The following GNA14 variants were observed in gnomAD, a reference collection of about 807,000 sequenced individuals.
GNA14 encodes guanine nucleotide-binding protein subunit alpha-14.
In GNA14, 50 loss-of-function variants were observed where a neutral mutation model predicts 42.0. The observed-to-expected ratio is 1.19, with a 90% CI of 0.95 to 1.51. The LOEUF (loss-of-function observed/expected upper bound fraction) is 1.51, where lower values mean the gene tolerates loss of function less well. GNA14 is among the 40% of genes most tolerant of loss of function. The pLI is 0.00. For missense variants in GNA14, 473 were observed against 446.2 expected (o/e 1.06, Z -0.54); for synonymous variants, 173 against 163.1 (o/e 1.06, Z -0.46).
At chr9:77,493,522 T>C (rs1466452281) in intron 2 of GNA14, among the ~76,000 whole-genome samples, 2 of 152,164 alleles carry the variant, frequency 1.3e-5, no homozygotes, top group African/African-American at 4.8e-5. Flanking sequence ...AAATTATATA[T>C]GAGTTTATGA....
chr9:77,542,229 T>G (rs1266871006), intron 1 of GNA14, among the ~76,000 whole-genome samples: 2 of 152,102 alleles, frequency 1.3e-5, no homozygotes. Flanking sequence ...TGTGACGAGA[T>G]ATATATATAT....
chr9:77,446,493 C>T (rs1006836964), intron 2 of GNA14, among the ~76,000 whole-genome samples: 4 of 152,170 alleles, frequency 2.6e-5, no homozygotes, highest in African/African-American at 9.7e-5. Flanking sequence ...GTGAGGTGGA[C>T]CCGTGTAACT....
chr9:77,466,770 C>G (rs767381286), intron 2 of GNA14, among the ~76,000 whole-genome samples: 4 of 152,136 alleles, frequency 2.6e-5, no homozygotes, highest in Non-Finnish European at 5.9e-5. Context: ...TCTTCTCCCT[C>G]CCGTCTGAGT....
intron 1 of GNA14, among the ~76,000 whole-genome samples, chr9:77,553,979 A>T (rs1233014106): frequency 6.6e-6 from 1 of 152,242 alleles, no homozygotes; most frequent in African/African-American, 2.4e-5. Context: ...TACTGACATG[A>T]AATGCCGTCT....
chr9:77,564,296 T>TAAAAAA (rs71358612), intron 1 of GNA14, among the ~76,000 whole-genome samples: 3 of 134,798 alleles, frequency 2.2e-5, no homozygotes, highest in East Asian at 2.2e-4. Context: ...CAGCACAATT[T>TAAAAAA]AAAAAAAAAA....
chr9:77,431,341 G>A lies in GNA14; in HGVS notation c.573C>T (p.Asp191=), dbSNP rs751642002. 8.1e-6 allele frequency: 13 copies of A among 1,613,752 alleles called. No homozygotes were observed. The highest frequency in any genetic ancestry group is 1.1e-5 in the Non-Finnish European group (13 of 1,179,838). Residue 191 remains aspartate (D), a synonymous_variant, in exon 4 of 7, where the codon GAC becomes GAT. Coordinates refer to ENST00000341700, the MANE Select transcript of GNA14 (RefSeq NM_004297.4). ...CTTACCGAAAGATGATGTTTTCCAAGTCAAATGGATACTCAATGATGCCGG... is the reference window on the plus strand; with the variant it reads ...CTTACCGAAAGATGATGTTTTCCAAATCAAATGGATACTCAATGATGCCGG... ...PTTGIIEYPF[D]LENIIFRMVD... is the part of the protein sequence containing the mutation.
At chr9:77,443,128 C>T (rs1465917826) in intron 2 of GNA14, among the ~76,000 whole-genome samples, 3 of 152,178 alleles carry the variant, frequency 2.0e-5, no homozygotes, top group Non-Finnish European at 1.5e-5. Context: ...ACCTCTCTCA[C>T]TGATAGTGTA....
At chr9:77,612,664 A>T (rs564418678) in intron 1 of GNA14, among the ~76,000 whole-genome samples, 15 of 132,528 alleles carry the variant, frequency 1.1e-4, no homozygotes, top group Middle Eastern at 3.8e-3. Context: ...GCTATTATTT[A>T]AAAAAAAAAA....
chr9:77,474,378 G>A (rs1241032723), intron 2 of GNA14, among the ~76,000 whole-genome samples: 2 of 124,218 alleles, frequency 1.6e-5, no homozygotes, highest in African/African-American at 7.1e-5. Context: ...ATACACAAAT[G>A]GCTGACAAGC....
At chr9:77,535,271 G>T (rs1282083168) in intron 1 of GNA14, among the ~76,000 whole-genome samples, 2 of 152,228 alleles carry the variant, frequency 1.3e-5, no homozygotes, top group African/African-American at 4.8e-5. Context: ...GGGTGCGGTG[G>T]CTCACGCCTG....
intron 2 of GNA14, among the ~76,000 whole-genome samples, chr9:77,502,991 C>G (rs538977221): frequency 1.3e-5 from 2 of 152,292 alleles, no homozygotes; most frequent in Non-Finnish European, 2.9e-5. Context: ...AGCTCAGAGT[C>G]TGGAATATAT....
At chr9:77,646,329 G>A (rs1463992001) in intron 1 of GNA14, among the ~76,000 whole-genome samples, 4 of 152,168 alleles carry the variant, frequency 2.6e-5, no homozygotes, top group Non-Finnish European at 4.4e-5. Context: ...GGTCCCTTTG[G>A]GCTGGGTATT....
intron 3 of GNA14, 102 bp from the exon 4 acceptor site, chr9:77,431,551 A>C: frequency 5.1e-6 from 5 of 988,556 alleles, no homozygotes; most frequent in Non-Finnish European, 7.6e-6. Context: ...AGCCCCACAC[A>C]GACACACGAA....
intron 2 of GNA14, among the ~76,000 whole-genome samples, chr9:77,482,246 TG>T (rs1215176843): frequency 6.6e-6 from 1 of 151,922 alleles, no homozygotes; most frequent in East Asian, 1.9e-4. Context: ...GCAGGCCTGG[TG>T]GTGACAAAAT....
intron 2 of GNA14, among the ~76,000 whole-genome samples, chr9:77,485,803 G>C (rs1173478393): frequency 6.6e-6 from 1 of 152,034 alleles, no homozygotes; most frequent in African/African-American, 2.4e-5. Flanking sequence ...AATCTTTTTT[G>C]CTAAGCAGTA....
At chr9:77,511,454 G>T (rs902710789) in intron 2 of GNA14, among the ~76,000 whole-genome samples, 7 of 152,170 alleles carry the variant, frequency 4.6e-5, no homozygotes, top group African/African-American at 1.7e-4. Context: ...CTGAGTTGGA[G>T]AATGGGAAGC....
chr9:77,434,308 G>T (rs1438776241), intron 3 of GNA14, 60 bp downstream of exon 3: 20 of 1,497,976 alleles, frequency 1.3e-5, no homozygotes, highest in Non-Finnish European at 1.7e-5. Flanking sequence ...AAACTTCTTT[G>T]AAGTGTGGCC....
At chr9:77,479,376 A>G (rs375056440) in intron 2 of GNA14, among the ~76,000 whole-genome samples, 4,788 of 151,788 alleles carry the variant, frequency 0.032, 169 homozygotes, top group African/African-American at 0.086. Flanking sequence ...TGTTCCATTG[A>G]TCTATATCTC....
At chr9:77,624,335 G>A (rs1369916210) in intron 1 of GNA14, among the ~76,000 whole-genome samples, 1 of 152,210 alleles carries the variant, frequency 6.6e-6, no homozygotes, top group Non-Finnish European at 1.5e-5. Context: ...GGGCAGCTGT[G>A]GGTGCAGCTT....
Sources: allele counts gnomAD v4.1 joint callset (sites outside exome capture counted in the v4.1 genomes callset), GRCh38; gene constraint gnomAD v4.1.1; transcripts MANE v1.5; gene names NCBI Gene and HGNC (gene_info 2026-07-23, HGNC 2026-07-21).